DENND1A: variants seen among roughly 807,000 people sequenced by gnomAD.
DENND1A encodes the protein DENN domain-containing protein 1A.
DENND1A carries 51 observed loss-of-function variants against 113.7 expected under a neutral mutation model. The ratio of observed to expected loss-of-function variants is 0.45; its 90% CI spans 0.36 to 0.57. The LOEUF (loss-of-function observed/expected upper bound fraction) is 0.57. DENND1A is among the 20% of genes least tolerant of loss of function. The pLI is 0.00. For synonymous variants in DENND1A, 565 were observed against 570.8 expected, an observed-to-expected ratio of 0.99 and a Z score of 0.14; for missense variants, 1,258 against 1,395.9, an observed-to-expected ratio of 0.90 and a Z score of 1.57.
chr9:123,647,546 C>A (rs913533846), intron 9 of DENND1A, among the ~76,000 whole-genome samples: 3 of 152,184 alleles, frequency 2.0e-5, no homozygotes, highest in Non-Finnish European at 4.4e-5. Context: ...TGTGAGGAAA[C>A]CATTACCTAA....
chr9:123,617,913 AAGAGAAAGTAAC>A (rs775715800), intron 10 of DENND1A, among the ~76,000 whole-genome samples: 1 of 146,718 alleles, frequency 6.8e-6, no homozygotes, highest in Non-Finnish European at 1.5e-5. Context: ...GAAATAAATG[AAGAGAAAGTAAC>A]AGAAAAAAAG....
chr9:123,659,955 A>C (rs117889661), intron 8 of DENND1A, among the ~76,000 whole-genome samples: 1 of 152,222 alleles, frequency 6.6e-6, no homozygotes, highest in Non-Finnish European at 1.5e-5. Context: ...AAAAGTTCAG[A>C]TTCTCCTTAG....
chr9:123,403,694 A>T (rs924161107), intron 20 of DENND1A: 3 of 577,582 alleles, frequency 5.2e-6, no homozygotes, highest in Non-Finnish European at 9.3e-6. Context: ...TCTGTGGCCT[A>T]TTCAAATCAG....
At position 123,642,906 on chromosome 9, in the gene DENND1A, A is replaced by G. The variant is rs186820852; in HGVS notation, c.618+9107T>C. Among the ~76,000 whole-genome samples, 472 of 152,368 alleles carry G rather than the reference A, an allele frequency of 3.1e-3. 4 individuals are homozygous for G. Among genetic ancestry groups the G allele is most frequent in the South Asian group, 5.2e-3 (25 of 4,834 alleles). On this transcript the variant is annotated intron_variant, in intron 9 of 23. Coordinates refer to ENST00000394215, the MANE Select transcript of DENND1A (RefSeq NM_001352964.2). ...GCTCATCACACAGGCTGGCGTCAAC[A>G]TGACAAGGTGGCGTTCGTCAGGAAA... is the stretch of plus-strand genomic sequence containing the variant.
chr9:123,485,656 G>GCGCGCGCGCACACACACA (rs765633751), intron 13 of DENND1A: 8 of 141,234 alleles, frequency 5.7e-5, no homozygotes, highest in East Asian at 4.1e-4. Flanking sequence ...GCGCGCGCGC[G>GCGCGCGCGCACACACACA]CACACACACA....
intron 13 of DENND1A, among the ~76,000 whole-genome samples, chr9:123,499,072 T>C (rs1405682422): frequency 6.6e-6 from 1 of 151,600 alleles, no homozygotes; most frequent in Non-Finnish European, 1.5e-5. Context: ...TTCACTCTGT[T>C]GCCCAGACTG....
At chr9:123,828,669 T>G (rs1290708144) in intron 2 of DENND1A, among the ~76,000 whole-genome samples, 1 of 149,558 alleles carries the variant, frequency 6.7e-6, no homozygotes, top group African/African-American at 2.5e-5. Context: ...AAATTGCCAT[T>G]AAAGGAACAC....
chr9:123,541,747 G>A (rs563947214), intron 13 of DENND1A, among the ~76,000 whole-genome samples: 2 of 152,340 alleles, frequency 1.3e-5, no homozygotes, highest in South Asian at 4.1e-4. Context: ...AAAGTTTGCT[G>A]TGGAGGGCAG....
At chr9:123,785,580 G>A (rs1832025507) in intron 3 of DENND1A, among the ~76,000 whole-genome samples, 1 of 152,074 alleles carries the variant, frequency 6.6e-6, no homozygotes, top group African/African-American at 2.4e-5. Flanking sequence ...ATATACAAAA[G>A]AAGCAGATAT....
chr9:123,707,090 A>G (rs2066266857), intron 5 of DENND1A, among the ~76,000 whole-genome samples: 1 of 152,042 alleles, frequency 6.6e-6, no homozygotes, highest in Non-Finnish European at 1.5e-5. Flanking sequence ...GGGAGTAAAT[A>G]TATTTAAAGA....
intron 11 of DENND1A, among the ~76,000 whole-genome samples, chr9:123,587,702 A>C (rs1343429144): frequency 6.6e-6 from 1 of 152,184 alleles, no homozygotes; most frequent in Non-Finnish European, 1.5e-5. Context: ...CACATCACAC[A>C]CTGTTGGCTC....
chr9:123,593,772 T>G (rs544238766), intron 11 of DENND1A, among the ~76,000 whole-genome samples: 1 of 152,320 alleles, frequency 6.6e-6, no homozygotes, highest in East Asian at 1.9e-4. Flanking sequence ...GCAGGTGCCT[T>G]GATACAGTGT....
At chr9:123,654,494 G>C (rs759266584) in intron 8 of DENND1A, among the ~76,000 whole-genome samples, 8 of 151,982 alleles carry the variant, frequency 5.3e-5, no homozygotes, top group Non-Finnish European at 1.2e-4. Flanking sequence ...CCTTATTTTG[G>C]TGGGAGAAAA....
chr9:123,689,451 C>T (rs989209290), intron 5 of DENND1A, among the ~76,000 whole-genome samples: 1 of 152,088 alleles, frequency 6.6e-6, no homozygotes, highest in East Asian at 1.9e-4. Flanking sequence ...ATCATTTTTA[C>T]TATGTTTTTA....
intron 13 of DENND1A, among the ~76,000 whole-genome samples, chr9:123,513,728 G>C (rs1193037801): frequency 6.6e-6 from 1 of 152,212 alleles, no homozygotes; most frequent in East Asian, 1.9e-4. Context: ...GAAGCAGCTA[G>C]CCAGGCACTT....
At chr9:123,587,207 G>A (rs998039562) in intron 11 of DENND1A, among the ~76,000 whole-genome samples, 1 of 152,102 alleles carries the variant, frequency 6.6e-6, no homozygotes, top group African/African-American at 2.4e-5. Flanking sequence ...ACATGGGGAT[G>A]AAGTAATTCT....
At chr9:123,591,381 C>T (rs2059448340) in intron 11 of DENND1A, among the ~76,000 whole-genome samples, 1 of 152,234 alleles carries the variant, frequency 6.6e-6, no homozygotes, top group African/African-American at 2.4e-5. Flanking sequence ...CTGGCAATGT[C>T]AGCCGGGGGA....
At chr9:123,631,389 A>G (rs569136426) in intron 9 of DENND1A, among the ~76,000 whole-genome samples, 1 of 152,350 alleles carries the variant, frequency 6.6e-6, no homozygotes, top group South Asian at 2.1e-4. Context: ...GCCCACTTTA[A>G]AAATGAGTAT....
Position 123,482,377 on chromosome 9 carries a change from C to T in DENND1A, c.994-24480G>A, listed in dbSNP as rs143610464. On this transcript the variant is annotated intron_variant, in intron 13 of 23. Transcript: ENST00000394215. ...CCTCCCAAAGTGTTGGGATTACAGG[C>T]GTGAACCACCGCACCCGGCCCATTA... 6.6e-3 allele frequency among the ~76,000 whole-genome samples: 1,006 copies of T among 152,308 alleles called. 13 individuals carry two copies. The highest frequency in any genetic ancestry group is 0.023 in the African/African-American group (938 of 41,574).
Sources: gnomAD v4.1 joint callset for allele counts (sites outside exome capture counted in the v4.1 genomes callset) on GRCh38, gnomAD v4.1.1 for gene constraint, MANE v1.5 for transcripts, NCBI Gene and HGNC (gene_info 2026-07-23, HGNC 2026-07-21) for gene names.